The following BRWD1 variants were observed in gnomAD, a reference collection of about 807,000 sequenced individuals.
BRWD1 encodes bromodomain and WD repeat-containing protein 1.
In BRWD1, 82 loss-of-function variants were observed where a neutral mutation model predicts 251.2. The ratio of observed to expected loss-of-function variants is 0.33; its 90% CI spans 0.27 to 0.39. The LOEUF (loss-of-function observed/expected upper bound fraction) is 0.39. BRWD1 is among the 10% of genes least tolerant of loss of function. BRWD1 has a pLI of 1.00. For missense variants in BRWD1, 2,233 were observed against 2,711.6 expected (o/e 0.82, Z 3.92); for synonymous variants, 918 against 902.8 (o/e 1.02, Z -0.30).
At chr21:39,250,355 A>C (rs2034354001) in intron 20 of BRWD1, among the ~76,000 whole-genome samples, 1 of 152,208 alleles carries the variant, frequency 6.6e-6, no homozygotes. Flanking sequence ...GATGATAAAA[A>C]AGGAGAAAAA....
In BRWD1 at chr21:39,196,630, A is replaced by C. The variant is rs1003499293; in HGVS notation, c.6439T>G (p.Ser2147Ala). The C allele has an allele frequency of 1.2e-6, 2 of 1,613,468 alleles. No homozygotes were observed. Among genetic ancestry groups the C allele is most frequent in the Non-Finnish European group, 1.7e-6 (2 of 1,179,802 alleles). The part of the protein sequence containing the change: ...NVKISETTGN[S>A]KFRPDTSSKS... ...GAACTAGTATCAGGTCTAAACTTTG[A>C]ATTCCCAGTTGTTTCAGAGATTTTC... Residue 2147 changes from serine to alanine, a missense_variant, in exon 41 of 41, where the codon TCA (serine) becomes GCA (alanine). Physicochemically the swap from Ser to Ala is moderately conservative, Grantham distance 99. Around this residue, in one of 12 missense-constraint regions of BRWD1, gnomAD observed 928 missense variants for 970.0 expected, o/e 0.96. Transcript: ENST00000342449.
Position 39,238,521 on chromosome 21 carries a change from C to G in BRWD1, c.2534G>C (p.Trp845Ser). ...EGSGSSEEDE[W>S]RSDRKSESYS... ...ACTCTCACTTTTTCTGTCACTTCTC[C>G]ATTCATCCTCTTCTGAAGAACCAGA... The change falls in exon 22 of 41, where the codon TGG (tryptophan) becomes TCG (serine). Residue 845 changes from tryptophan to serine, a missense_variant. By Grantham distance (177) the Trp-to-Ser change is radical. Around this residue, in one of 12 missense-constraint regions of BRWD1, gnomAD observed 214 missense variants for 222.0 expected, o/e 0.96. Coordinates refer to ENST00000342449, the MANE Select transcript of BRWD1 (RefSeq NM_033656.4). 1.2e-6 allele frequency: 2 copies of G among 1,613,730 alleles called. No homozygotes were observed. The highest frequency in any genetic ancestry group is 1.7e-6 in the Non-Finnish European group (2 of 1,179,784).
chr21:39,317,420 A>G (rs1172849877), upstream of BRWD1, among the ~76,000 whole-genome samples: 1 of 152,204 alleles, frequency 6.6e-6, no homozygotes, highest in South Asian at 2.1e-4. Context: ...GTGGCAAGCA[A>G]CTCCTGACTG....
intron 4 of BRWD1, among the ~76,000 whole-genome samples, chr21:39,312,219 T>G (rs911503535): frequency 2.6e-5 from 4 of 152,198 alleles, no homozygotes; most frequent in Non-Finnish European, 4.4e-5. Flanking sequence ...AAGCACTTTA[T>G]TGTGTTATCT....
At chr21:39,293,675 T>C in intron 8 of BRWD1, 136 bp downstream of exon 8, 1 of 679,238 alleles carries the variant, frequency 1.5e-6, no homozygotes. Context: ...TTGTATGATT[T>C]GTATGAATGA....
chr21:39,194,940 A>G lies in BRWD1; in HGVS notation c.*1319T>C. The G allele has an allele frequency of 6.8e-7, 1 of 1,474,338 alleles. No individual in the cohort carries two copies. Among genetic ancestry groups the G allele is most frequent in the Non-Finnish European group, 8.9e-7 (1 of 1,118,256 alleles). The allele number at this position is 1,474,338 out of a possible 1,614,324, so 91.3% of individuals were successfully genotyped here. ...CTGTAACATATCCCTTACCCACTAA[A>G]TATGTAAACCATTTGAATCAAGTCC... On this transcript the variant is annotated 3_prime_UTR_variant, in exon 41 of 41. Coordinates refer to ENST00000342449, the MANE Select transcript of BRWD1 (RefSeq NM_033656.4).
chr21:39,205,796 T>C (rs544295243), intron 37 of BRWD1, among the ~76,000 whole-genome samples: 5 of 149,356 alleles, frequency 3.3e-5, no homozygotes, highest in Non-Finnish European at 3.0e-5. Flanking sequence ...AATAAATAAA[T>C]AGGCTGGGCG....
Position 39,300,211 on chromosome 21 carries a change from G to T in BRWD1, c.199-1629C>A, listed in dbSNP as rs185396942. 5.3e-5 allele frequency among the ~76,000 whole-genome samples: 8 copies of T among 152,086 alleles called. No homozygotes were observed. In the South Asian group the frequency reaches 1.7e-3, roughly 32 times the overall value. On this transcript the variant is annotated intron_variant, in intron 4 of 40. Coordinates refer to ENST00000342449, the MANE Select transcript of BRWD1 (RefSeq NM_033656.4). ...CCATAGGCCTTCACCAACTGCATAG[G>T]GCCCAAACACTAAAGCCAGGGCAGC... is the stretch of plus-strand genomic sequence containing the variant.
chr21:39,269,790 TA>T, intron 15 of BRWD1, 108 bp downstream of exon 15: 1 of 1,004,882 alleles, frequency 1.0e-6, no homozygotes, highest in Non-Finnish European at 1.3e-6. Flanking sequence ...TGCTGATTTG[TA>T]AAAACAAACT....
At chr21:39,213,673 G>A (rs2032760512) in intron 32 of BRWD1, 120 bp from the exon 33 acceptor site, 3 of 574,744 alleles carry the variant, frequency 5.2e-6, no homozygotes, top group East Asian at 6.3e-5. Context: ...TTCAAACAGA[G>A]GAATATCAGG....
chr21:39,196,151 AT>A lies in BRWD1; in HGVS notation c.*107del. On this transcript the variant is annotated 3_prime_UTR_variant, in exon 41 of 41. Coordinates refer to ENST00000342449, the MANE Select transcript of BRWD1 (RefSeq NM_033656.4). ...CACATTCATAACTTTTCATAGAAAA[AT>A]ATAAATATATTCCCTGAATTGTAAG... 2 of 1,468,032 alleles carry A rather than the reference AT, an allele frequency of 1.4e-6. No individual in the cohort carries two copies. Among genetic ancestry groups the A allele is most frequent in the Non-Finnish European group, 1.8e-6 (2 of 1,117,550 alleles). 90.9% of individuals were successfully genotyped at this position (1,468,032 alleles called of 1,614,324 possible). A position where few individuals can be genotyped will look rare whatever the true frequency, so the allele number is the denominator to read the frequency against.
In BRWD1 at chr21:39,312,968, CGGGGGCG is replaced by C. The variant is rs1381356405; in HGVS notation, c.139-75_139-69del. On this transcript the variant is annotated intron_variant, in intron 3 of 40. Transcript: ENST00000342449. The stretch of plus-strand genomic sequence containing the variant: ...GCGGGGGGGGCGGGGGGCGGGGGGC[CGGGGGCG>C]GGCGGCGGGCGGCGGGCGGGGGGCG... 4 of 531,626 alleles carry C rather than the reference CGGGGGCG, an allele frequency of 7.5e-6. No homozygotes were observed. In the East Asian group the frequency reaches 3.3e-4, roughly 44 times the overall value. 32.9% of individuals were successfully genotyped at this position (531,626 alleles called of 1,614,324 possible).
upstream of BRWD1, chr21:39,314,332 A>G (rs913799737): frequency 2.2e-5 from 10 of 455,762 alleles, no homozygotes; most frequent in Non-Finnish European, 4.4e-5. Flanking sequence ...AAAATTACAT[A>G]AAATGCAGCG....
chr21:39,195,791 T>G lies in BRWD1; in HGVS notation c.*468A>C, dbSNP rs1454649359. The G allele has an allele frequency of 2.0e-6, 2 of 985,536 alleles. No individual in the cohort carries two copies. Among genetic ancestry groups the G allele is most frequent in the East Asian group, 2.3e-4 (2 of 8,806 alleles). 61.0% of individuals were successfully genotyped at this position (985,536 alleles called of 1,614,324 possible). ...CTCGCCTACTAATCATGGTTACACC[T>G]CCCATGATTATAGTGTCAGTATGCA... On this transcript the variant is annotated 3_prime_UTR_variant, in exon 41 of 41. Coordinates refer to ENST00000342449, the MANE Select transcript of BRWD1 (RefSeq NM_033656.4).
chr21:39,281,917 TATACGTATAC>T, intron 8 of BRWD1, among the ~76,000 whole-genome samples: 1 of 134,484 alleles, frequency 7.4e-6, no homozygotes, highest in Non-Finnish European at 1.7e-5. Context: ...CATGTATATA[TATACGTATAC>T]ATACATATAC....
upstream of BRWD1, chr21:39,313,974 G>C (rs1466601812): frequency 1.2e-5 from 5 of 402,818 alleles, no homozygotes; most frequent in East Asian, 4.1e-4. Flanking sequence ...CACAAGAGGG[G>C]GCGATTCACC....
chr21:39,239,753 T>A (rs778382383), intron 21 of BRWD1, among the ~76,000 whole-genome samples: 5 of 152,176 alleles, frequency 3.3e-5, no homozygotes, highest in African/African-American at 1.2e-4. Context: ...CTGGAAAGAA[T>A]TTTTTAACAA....
At chr21:39,274,504 T>TTCACACAC (rs1467127828) in intron 12 of BRWD1, 32 bp from the exon 13 acceptor site, 2 of 1,503,086 alleles carry the variant, frequency 1.3e-6, no homozygotes, top group Non-Finnish European at 1.9e-6. Flanking sequence ...TCTTACTATA[T>TTCACACAC]TCACACACTT....
chr21:39,243,063 G>C (rs1297342793), intron 21 of BRWD1, among the ~76,000 whole-genome samples: 1 of 152,114 alleles, frequency 6.6e-6, no homozygotes, highest in Non-Finnish European at 1.5e-5. Flanking sequence ...CAACAATCAA[G>C]ACTGTAATTT....
Sources: allele counts gnomAD v4.1 joint callset (sites outside exome capture counted in the v4.1 genomes callset), GRCh38; gene constraint gnomAD v4.1.1; regional missense constraint gnomAD v4.1.1; transcripts MANE v1.5; gene names NCBI Gene and HGNC (gene_info 2026-07-23, HGNC 2026-07-21).